SIN3A: variants seen among roughly 807,000 people sequenced by gnomAD.
SIN3A encodes SIN3 transcription regulator family member A.
SIN3A carries 14 observed loss-of-function variants against 146.1 expected under a neutral mutation model. The ratio of observed to expected loss-of-function variants is 0.10; its 90% CI spans 0.06 to 0.15. The LOEUF is 0.15. SIN3A is among the 10% of genes least tolerant of loss of function. The pLI is 1.00. For synonymous variants in SIN3A, 572 were observed against 572.0 expected (o/e 1.00, Z 0.00); for missense variants, 1,028 against 1,576.0 (o/e 0.65, Z 5.89).
chr15:75,406,003 A>G (rs2073505261), intron 9 of SIN3A, among the ~76,000 whole-genome samples: 1 of 152,164 alleles, frequency 6.6e-6, no homozygotes, highest in Admixed American at 6.5e-5. Flanking sequence ...TCCTGCAAAA[A>G]GCTCACATAG....
intron 1 of SIN3A, among the ~76,000 whole-genome samples, chr15:75,440,705 G>A (rs545346265): frequency 6.6e-6 from 1 of 152,042 alleles, no homozygotes; most frequent in Non-Finnish European, 1.5e-5. Context: ...ACAAGGGGTC[G>A]GGCGCGGTGG....
chr15:75,392,849 GATGTCTACAGCGACAAC>G (rs767487273), intron 14 of SIN3A, 34 bp from the exon 15 acceptor site: 3 of 1,447,942 alleles, frequency 2.1e-6, no homozygotes, highest in African/African-American at 2.8e-5. Flanking sequence ...TATTCTGTGA[GATGTCTACAGCGACAAC>G]ATGTCTACAA....
intron 16 of SIN3A, among the ~76,000 whole-genome samples, chr15:75,385,287 TGAA>T (rs1198028552): frequency 3.3e-5 from 5 of 152,326 alleles, no homozygotes; most frequent in East Asian, 3.9e-4. Flanking sequence ...GGTGCTCAGC[TGAA>T]GAAGGAGGGT....
chr15:75,422,376 T>C (rs2073854297), intron 3 of SIN3A: 2 of 602,020 alleles, frequency 3.3e-6, no homozygotes, highest in South Asian at 2.0e-5. Flanking sequence ...TTAAGGTTTA[T>C]TTTGTATTAA....
At chr15:75,432,528 A>T (rs1223429250) in intron 1 of SIN3A, among the ~76,000 whole-genome samples, 1 of 150,888 alleles carries the variant, frequency 6.6e-6, no homozygotes, top group Non-Finnish European at 1.5e-5. Flanking sequence ...CTCCAGTAAA[A>T]ATACAAAAAT....
chr15:75,394,415 C>G (rs570213808), intron 14 of SIN3A, among the ~76,000 whole-genome samples: 1 of 151,950 alleles, frequency 6.6e-6, no homozygotes, highest in Non-Finnish European at 1.5e-5. Context: ...AACAGGTAGT[C>G]GGAGAAGTGG....
intron 6 of SIN3A, 63 bp from the exon 7 acceptor site, chr15:75,410,349 C>G: frequency 6.6e-7 from 1 of 1,506,734 alleles, no homozygotes; most frequent in Non-Finnish European, 9.1e-7. Context: ...CATCTTTGCA[C>G]GCTTTCTGGA....
intron 1 of SIN3A, among the ~76,000 whole-genome samples, chr15:75,435,880 T>C (rs2074099428): frequency 6.6e-6 from 1 of 151,416 alleles, no homozygotes; most frequent in Non-Finnish European, 1.5e-5. Context: ...ATCCCAACAC[T>C]TTGGGAAGCT....
intron 15 of SIN3A, among the ~76,000 whole-genome samples, chr15:75,390,934 T>C (rs1322578458): frequency 6.6e-6 from 1 of 152,220 alleles, no homozygotes; most frequent in Non-Finnish European, 1.5e-5. Flanking sequence ...AAACGAACTA[T>C]TTGTCACTGA....
At chr15:75,378,551 C>T (rs538758940) in intron 19 of SIN3A, among the ~76,000 whole-genome samples, 38 of 152,140 alleles carry the variant, frequency 2.5e-4, no homozygotes, top group African/African-American at 7.7e-4. Context: ...GCAACAAGAG[C>T]GAAATTCCGT....
At chr15:75,432,483 T>G (rs1033176792) in intron 1 of SIN3A, among the ~76,000 whole-genome samples, 4 of 151,450 alleles carry the variant, frequency 2.6e-5, no homozygotes, top group African/African-American at 9.7e-5. Flanking sequence ...GGTCGGGAGT[T>G]TGGGACCAGC....
intron 3 of SIN3A, chr15:75,419,699 C>T (rs941633759): frequency 6.6e-6 from 1 of 151,784 alleles, no homozygotes; most frequent in African/African-American, 2.4e-5. Context: ...GTGGTGCATG[C>T]CTGTAATCCC....
At chr15:75,453,660 G>A (rs1274470178), upstream of SIN3A, 1 of 152,366 alleles carries the variant, frequency 6.6e-6, no homozygotes, top group African/African-American at 2.4e-5. Context: ...GCCATGCCTA[G>A]GAAAGAACAG....
At position 75,422,722 on chromosome 15, in the gene SIN3A, C is replaced by A; in HGVS notation, c.291G>T (p.Gln97His). ...HPTAVQPHGG[Q>H]VVQSHAHPAP... ...CTGGATGAGCATGACTCTGGACCAC[C>A]TGGCCTCCGTGGGGCTGCACCGCTG... The change falls in exon 3 of 21, where the codon CAG becomes CAT. Residue 97 changes from glutamine (Q) to histidine (H), a missense_variant. Physicochemically the swap from Gln to His is conservative, Grantham distance 24 (BLOSUM62 0). Coordinates refer to ENST00000394947, the MANE Select transcript of SIN3A (RefSeq NM_001145358.2). 1 of 1,614,218 alleles carries A rather than the reference C, an allele frequency of 6.2e-7. No individual in the cohort carries two copies. The highest frequency in any genetic ancestry group is 1.1e-5 in the South Asian group (1 of 91,090).
At chr15:75,427,446 T>C (rs1023923877) in intron 2 of SIN3A, among the ~76,000 whole-genome samples, 7 of 151,668 alleles carry the variant, frequency 4.6e-5, no homozygotes, top group African/African-American at 1.7e-4. Context: ...GACAGGCGGA[T>C]CACCTGAGGT....
chr15:75,426,970 A>G (rs1266147125), intron 2 of SIN3A, among the ~76,000 whole-genome samples: 2 of 152,150 alleles, frequency 1.3e-5, no homozygotes. Context: ...AGGTTGATAT[A>G]GATGAGCTTG....
At chr15:75,401,131 T>C (rs2073403475) in intron 10 of SIN3A, among the ~76,000 whole-genome samples, 191 bp from the exon 11 acceptor site, 1 of 152,226 alleles carries the variant, frequency 6.6e-6, no homozygotes, top group Non-Finnish European at 1.5e-5. Context: ...TCAGTTAAAG[T>C]GGTGATCAAA....
At chr15:75,390,115 T>C (rs779054634) in intron 15 of SIN3A, among the ~76,000 whole-genome samples, 71 of 152,174 alleles carry the variant, frequency 4.7e-4, no homozygotes, top group Non-Finnish European at 8.5e-4. Context: ...GAGGAAAATA[T>C]CCTAGGGAAG....
intron 9 of SIN3A, among the ~76,000 whole-genome samples, chr15:75,402,658 G>A (rs28362067): frequency 0.014 from 2,073 of 152,100 alleles, 40 homozygotes; most frequent in African/African-American, 0.047. Flanking sequence ...TTTTTTAAAC[G>A]CAGTCCAGCA....
Sources: gnomAD v4.1 joint callset for allele counts (sites outside exome capture counted in the v4.1 genomes callset) on GRCh38, gnomAD v4.1.1 for gene constraint, MANE v1.5 for transcripts, NCBI Gene and HGNC (gene_info 2026-07-23, HGNC 2026-07-21) for gene names.